The following MAD1L1 variants were observed in gnomAD, a reference collection of about 807,000 sequenced individuals.
MAD1L1 encodes mitotic spindle assembly checkpoint protein MAD1.
In MAD1L1, 95 loss-of-function variants were observed where a neutral mutation model predicts 96.9. The observed-to-expected ratio is 0.98, with a 90% CI of 0.83 to 1.16. MAD1L1 has a LOEUF of 1.16. Ranked by LOEUF, MAD1L1 falls within the 50% of genes most tolerant of loss-of-function variation. The pLI, the probability that MAD1L1 is intolerant of heterozygous loss-of-function variation, is 0.00. For synonymous variants in MAD1L1, 473 were observed against 396.6 expected (o/e 1.19, Z -2.29); for missense variants, 1,007 against 954.4 (o/e 1.06, Z -0.73).
intron 16 of MAD1L1, among the ~76,000 whole-genome samples, chr7:1,954,087 G>T (rs543979298): frequency 6.6e-6 from 1 of 152,038 alleles, no homozygotes; most frequent in African/African-American, 2.4e-5. Context: ...GCCCCAGCTC[G>T]GTGCCCTCCA....
Position 1,842,883 on chromosome 7 carries a change from G to A in MAD1L1, c.1999-26655C>T, listed in dbSNP as rs1021879808. On this transcript the variant is annotated intron_variant, in intron 18 of 18. Coordinates refer to ENST00000265854, the MANE Select transcript of MAD1L1 (RefSeq NM_001013836.2). ...TGGCTCAGCACACGGGCTGCCTTGCGGCTGGTTCCCGGATGGGGAGGGTAC... is the reference window on the plus strand; with the variant it reads ...TGGCTCAGCACACGGGCTGCCTTGCAGCTGGTTCCCGGATGGGGAGGGTAC... Among the ~76,000 whole-genome samples, 9 of 152,248 alleles carry A rather than the reference G, an allele frequency of 5.9e-5. No individual in the cohort carries two copies. In the South Asian group the frequency reaches 8.3e-4, roughly 14 times the overall value.
chr7:2,152,978 A>G (rs1231690542), intron 10 of MAD1L1, among the ~76,000 whole-genome samples: 1 of 152,184 alleles, frequency 6.6e-6, no homozygotes, highest in African/African-American at 2.4e-5. Flanking sequence ...AATTTTGTAT[A>G]CCCTTTGTTC....
intron 1 of MAD1L1, among the ~76,000 whole-genome samples, chr7:2,231,328 AAT>A (rs1288311579): frequency 6.6e-6 from 1 of 151,906 alleles, no homozygotes. Flanking sequence ...TAAATAAATA[AAT>A]AAACATAAGC....
chr7:2,221,299 C>T (rs1793595361), intron 5 of MAD1L1, among the ~76,000 whole-genome samples: 1 of 152,172 alleles, frequency 6.6e-6, no homozygotes, highest in Non-Finnish European at 1.5e-5. Flanking sequence ...CCAGTACAGC[C>T]CAGCACATGG....
chr7:2,172,229 C>T (rs1790740506), intron 10 of MAD1L1, among the ~76,000 whole-genome samples: 1 of 152,192 alleles, frequency 6.6e-6, no homozygotes, highest in South Asian at 2.1e-4. Flanking sequence ...ACACAGCTTT[C>T]ATTCTTCACA....
chr7:1,870,038 G>T (rs1434719138), intron 18 of MAD1L1, among the ~76,000 whole-genome samples: 4 of 152,198 alleles, frequency 2.6e-5, no homozygotes, highest in Non-Finnish European at 4.4e-5. Context: ...GTGAGGTGTG[G>T]GAGGCCCAGA....
At chr7:2,181,096 T>C (rs1351399474) in intron 10 of MAD1L1, among the ~76,000 whole-genome samples, 1 of 152,270 alleles carries the variant, frequency 6.6e-6, no homozygotes, top group African/African-American at 2.4e-5. Flanking sequence ...TTCATTTCAG[T>C]TGCTGTACTT....
chr7:2,143,186 C>T (rs1789127603), intron 11 of MAD1L1, among the ~76,000 whole-genome samples: 1 of 152,032 alleles, frequency 6.6e-6, no homozygotes, highest in Admixed American at 6.6e-5. Flanking sequence ...ACAGGAGTCA[C>T]CATCACCAGA....
chr7:1,990,108 G>A (rs1216032720), intron 14 of MAD1L1, among the ~76,000 whole-genome samples: 1 of 152,232 alleles, frequency 6.6e-6, no homozygotes, highest in Non-Finnish European at 1.5e-5. Context: ...GTCCACATGC[G>A]CGTGCACCCG....
chr7:1,934,455 G>C (rs1348433397), intron 17 of MAD1L1, among the ~76,000 whole-genome samples: 1 of 151,698 alleles, frequency 6.6e-6, no homozygotes, highest in African/African-American at 2.4e-5. Context: ...CAGAGACCCA[G>C]ATAACAGGTG....
chr7:2,189,127 A>G (rs780675900), intron 10 of MAD1L1, among the ~76,000 whole-genome samples: 4 of 152,194 alleles, frequency 2.6e-5, no homozygotes, highest in Non-Finnish European at 4.4e-5. Flanking sequence ...AGAACAAGAC[A>G]CCACCTCACA....
intron 17 of MAD1L1, among the ~76,000 whole-genome samples, chr7:1,920,420 CTG>C (rs1383801584): frequency 6.6e-6 from 1 of 152,212 alleles, no homozygotes; most frequent in Non-Finnish European, 1.5e-5. Flanking sequence ...CAGCCTCACA[CTG>C]TGTTGTGGAC....
At chr7:1,840,653 C>T (rs568014190) in intron 18 of MAD1L1, among the ~76,000 whole-genome samples, 9 of 152,284 alleles carry the variant, frequency 5.9e-5, no homozygotes, top group Non-Finnish European at 1.2e-4. Flanking sequence ...CGCTTGAGCC[C>T]GGGAGGCAGA....
intron 12 of MAD1L1, among the ~76,000 whole-genome samples, chr7:2,058,781 CAGAGAAG>C (rs1784497633): frequency 9.5e-6 from 1 of 104,946 alleles, no homozygotes. Flanking sequence ...GGAGTGTGGC[CAGAGAAG>C]AGGAGAGGCG....
chr7:2,217,056 C>A (rs1793322786), intron 7 of MAD1L1, among the ~76,000 whole-genome samples: 1 of 152,178 alleles, frequency 6.6e-6, no homozygotes, highest in Non-Finnish European at 1.5e-5. Context: ...GAGCAAAAGT[C>A]TGTCTCAAGT....
chr7:2,157,789 T>C (rs998475334), intron 10 of MAD1L1, among the ~76,000 whole-genome samples: 10 of 152,208 alleles, frequency 6.6e-5, no homozygotes, highest in African/African-American at 2.2e-4. Context: ...CACCTCCAAC[T>C]GGCAGGAAGA....
chr7:1,988,039 C>T (rs1298088285), intron 14 of MAD1L1, among the ~76,000 whole-genome samples: 2 of 152,342 alleles, frequency 1.3e-5, no homozygotes, highest in East Asian at 1.9e-4. Context: ...TACTCACACC[C>T]GGGGCAGGCC....
chr7:2,079,602 T>C (rs546560782), intron 11 of MAD1L1: 3 of 470,602 alleles, frequency 6.4e-6, no homozygotes, highest in Non-Finnish European at 1.3e-5. Context: ...AATACTCTCA[T>C]CTGACCTTGA....
chr7:1,952,424 C>T (rs1271608698), intron 16 of MAD1L1, among the ~76,000 whole-genome samples: 4 of 152,206 alleles, frequency 2.6e-5, no homozygotes, highest in Non-Finnish European at 5.9e-5. Context: ...CCTGGGGCCC[C>T]GTGCCAATGA....
Sources: gnomAD v4.1 joint callset for allele counts (sites outside exome capture counted in the v4.1 genomes callset) on GRCh38, gnomAD v4.1.1 for gene constraint, MANE v1.5 for transcripts, NCBI Gene and HGNC (gene_info 2026-07-23, HGNC 2026-07-21) for gene names.